The following THG1L variants were observed in gnomAD, a reference collection of about 807,000 sequenced individuals.
THG1L encodes probable tRNA(His) guanylyltransferase.
THG1L carries 27 observed loss-of-function variants against 35.2 expected under a neutral mutation model. The observed-to-expected ratio is 0.77, with a 90% CI of 0.57 to 1.06. The LOEUF is 1.06. Ranked by LOEUF, THG1L falls within the 50% of genes least tolerant of loss-of-function variation. The pLI is 0.00. For synonymous variants in THG1L, 135 were observed against 132.4 expected (o/e 1.02, Z -0.14); for missense variants, 377 against 371.8 (o/e 1.01, Z -0.12).
intron 3 of THG1L, among the ~76,000 whole-genome samples, chr5:157,735,249 A>AT (rs1004282174): frequency 2.0e-5 from 3 of 152,072 alleles, no homozygotes; most frequent in East Asian, 1.9e-4. Flanking sequence ...CCTTATCTCT[A>AT]TTTTTTAAAA....
At position 157,739,657 on chromosome 5, in the gene THG1L, C is replaced by A; in HGVS notation, c.*175C>A. On this transcript the variant is annotated 3_prime_UTR_variant, in exon 6 of 6. Transcript: ENST00000231198. ...GGATGGATGGGGGTGGTGTATCTTA[C>A]TCTGTTTAAGCAGAACACCTTGTTT... is the stretch of plus-strand genomic sequence containing the variant. 1.5e-6 allele frequency: 1 copy of A among 657,784 alleles called. No individual in the cohort carries two copies. The highest frequency in any genetic ancestry group is 2.4e-6 in the Non-Finnish European group (1 of 420,688). The allele number at this position is 657,784 out of a possible 1,614,324, so 40.7% of individuals were successfully genotyped here.
chr5:157,731,479 G>C lies in THG1L; in HGVS notation c.39G>C (p.Leu13Phe), dbSNP rs149523877. 3 of 1,609,918 alleles carry C rather than the reference G, an allele frequency of 1.9e-6. No homozygotes were observed. The African/African-American group carries it at 4.0e-5, about 22-fold the overall frequency. The change falls in exon 1 of 6, where the codon TTG (leucine) becomes TTC (phenylalanine). Residue 13 changes from leucine (L) to phenylalanine (F), a missense_variant. Physicochemically the swap from Leu to Phe is conservative, Grantham distance 22. Coordinates refer to ENST00000231198, the MANE Select transcript of THG1L (RefSeq NM_017872.5). Reference protein sequence around the residue: ...GACKVKVHDSLATISITLRRY... With the variant: ...GACKVKVHDSFATISITLRRY... ...GTAAAGTTAAGGTTCACGATTCCTT[G>C]GCCACCATTTCCATCACTCTGAGAC... is the stretch of plus-strand genomic sequence containing the variant.
rs1181116481 is a variant in THG1L, at chr5:157,740,197, T to C, written c.*715T>C. The C allele has an allele frequency of 6.6e-6, 1 of 152,228 alleles. No individual in the cohort carries two copies. The highest frequency in any genetic ancestry group is 1.9e-4 in the East Asian group (1 of 5,206). 9.4% of individuals were successfully genotyped at this position (152,228 alleles called of 1,614,324 possible). ...CTAAGAAGAAACAGAATTATGTGTATATATGAGAGAAAGAAACAAGAATGC... is the reference window on the plus strand; with the variant it reads ...CTAAGAAGAAACAGAATTATGTGTACATATGAGAGAAAGAAACAAGAATGC... On this transcript the variant is annotated 3_prime_UTR_variant, in exon 6 of 6. Transcript: ENST00000231198.
intron 4 of THG1L, among the ~76,000 whole-genome samples, chr5:157,737,273 C>T (rs1760912010): frequency 6.6e-6 from 1 of 152,124 alleles, no homozygotes; most frequent in Non-Finnish European, 1.5e-5. Context: ...AGGTGGATCA[C>T]CTGACGTCAG....
intron 3 of THG1L, 56 bp downstream of exon 3, chr5:157,734,801 G>T (rs908343387): frequency 6.3e-7 from 1 of 1,598,452 alleles, no homozygotes; most frequent in African/African-American, 1.3e-5. Flanking sequence ...TGTCTTACAG[G>T]TGTTGATCTG....
chr5:157,739,723 T>C lies in THG1L; in HGVS notation c.*241T>C. 2.7e-6 allele frequency: 1 copy of C among 366,358 alleles called. No homozygotes were observed. Among genetic ancestry groups the C allele is most frequent in the Non-Finnish European group, 4.8e-6 (1 of 206,810 alleles). 22.7% of individuals were successfully genotyped at this position (366,358 alleles called of 1,614,324 possible). A position where few individuals can be genotyped will look rare whatever the true frequency, so the allele number is the denominator to read the frequency against. ...GGTTCCTTTGGCAGAAGTGCTTTTT[T>C]TTTAATCGCAGTACTATTTTTATAA... On this transcript the variant is annotated 3_prime_UTR_variant, in exon 6 of 6. Coordinates refer to ENST00000231198, the MANE Select transcript of THG1L (RefSeq NM_017872.5).
At position 157,732,164 on chromosome 5, in the gene THG1L, T is replaced by C. The variant is rs568775839; in HGVS notation, c.191+533T>C. Among the ~76,000 whole-genome samples, 66 of 146,022 alleles carry C rather than the reference T, an allele frequency of 4.5e-4. No individual in the cohort carries two copies. In the South Asian group the frequency reaches 5.0e-3, roughly 11 times the overall value. The stretch of plus-strand genomic sequence containing the variant: ...GGCCAGGAGTTGGAGACCAAGTTTT[T>C]GTTTTTGTTTTGTTTTTTCTGTGGT... On this transcript the variant is annotated intron_variant, in intron 1 of 5. Coordinates refer to ENST00000231198, the MANE Select transcript of THG1L (RefSeq NM_017872.5).
rs1283908017 is a variant in THG1L at position 157,740,985 on chromosome 5, C to T, written c.*1503C>T. The T allele has an allele frequency of 6.6e-6, 1 of 151,186 alleles. No homozygotes were observed. The highest frequency in any genetic ancestry group is 1.5e-5 in the Non-Finnish European group (1 of 68,028). The allele number at this position is 151,186 out of a possible 1,614,324, so 9.4% of individuals were successfully genotyped here. On this transcript the variant is annotated 3_prime_UTR_variant, in exon 6 of 6. Transcript: ENST00000231198. ...CTTTGGGGGGCTGAGGCAGGTAGAT[C>T]ACTTCAGGCCAGGAGTCCAAGACCA...
At chr5:157,731,860 T>A in intron 1 of THG1L, among the ~76,000 whole-genome samples, 1 of 152,244 alleles carries the variant, frequency 6.6e-6, no homozygotes, top group East Asian at 1.9e-4. Context: ...GATGAGGATC[T>A]GGCTTGGAGT....
At chr5:157,731,847 C>T (rs746851186) in intron 1 of THG1L, among the ~76,000 whole-genome samples, 2 of 152,230 alleles carry the variant, frequency 1.3e-5, no homozygotes, top group Non-Finnish European at 2.9e-5. Flanking sequence ...GATGTGCTCC[C>T]GTGATGAGGA....
At chr5:157,734,152 C>G (rs113070635) in intron 2 of THG1L, among the ~76,000 whole-genome samples, 10,817 of 152,032 alleles carry the variant, frequency 0.071, 600 homozygotes, top group African/African-American at 0.16. Flanking sequence ...CTTTGGGAGG[C>G]TGAGGCAGGC....
chr5:157,732,019 G>C (rs1760736425), intron 1 of THG1L, among the ~76,000 whole-genome samples: 1 of 152,056 alleles, frequency 6.6e-6, no homozygotes, highest in Admixed American at 6.6e-5. Flanking sequence ...TGTAAGCCTT[G>C]CTTGTGGGCA....
intron 4 of THG1L, among the ~76,000 whole-genome samples, chr5:157,736,954 T>C (rs1760905859): frequency 6.6e-6 from 1 of 152,116 alleles, no homozygotes; most frequent in Non-Finnish European, 1.5e-5. Context: ...TTTATTTGTA[T>C]TTTATTTTAT....
rs1487547039 is a variant in THG1L at position 157,739,631 on chromosome 5, G to A, written c.*149G>A. Reference sequence around the variant, plus strand: ...AGTTGGGAGGGGAACAGGGAAGGAAGGGATGGATGGGGGTGGTGTATCTTA... The same window carrying A: ...AGTTGGGAGGGGAACAGGGAAGGAAAGGATGGATGGGGGTGGTGTATCTTA... On this transcript the variant is annotated 3_prime_UTR_variant, in exon 6 of 6. Transcript: ENST00000231198. 3 of 844,702 alleles carry A rather than the reference G, an allele frequency of 3.6e-6. No homozygotes were observed. The highest frequency in any genetic ancestry group is 2.9e-5 in the Admixed American group (1 of 34,246). 52.3% of individuals were successfully genotyped at this position (844,702 alleles called of 1,614,324 possible).
intron 5 of THG1L, 105 bp from the exon 6 acceptor site, chr5:157,739,216 G>T: frequency 9.5e-7 from 1 of 1,057,644 alleles, no homozygotes; most frequent in South Asian, 1.7e-5. Flanking sequence ...AAATCTGGCA[G>T]TCGGAAGTAT....
At position 157,737,999 on chromosome 5, in the gene THG1L, TGCTGTTATGTTCAAAGAAAAATGGAA is replaced by T. The variant is rs371665375; in HGVS notation, c.735+7_735+32del. ...ACTGTGTTGATATGGCAGAAGGTAATGCTGTTATGTTCAAAGAAAAATGGAAGTCAGGAAAAAAGATAGCCTGTGCC... is the reference window on the plus strand; with the variant it reads ...ACTGTGTTGATATGGCAGAAGGTAATGTCAGGAAAAAAGATAGCCTGTGCC... On this transcript the variant is annotated splice_donor_region_variant and intron_variant, in intron 5 of 5. Coordinates refer to ENST00000231198, the MANE Select transcript of THG1L (RefSeq NM_017872.5). 3 of 1,603,258 alleles carry T rather than the reference TGCTGTTATGTTCAAAGAAAAATGGAA, an allele frequency of 1.9e-6. No homozygotes were observed. The highest frequency in any genetic ancestry group is 2.7e-5 in the African/African-American group (2 of 74,610).
chr5:157,732,215 C>CAAAAAA lies in THG1L; in HGVS notation c.191+608_191+613dup, dbSNP rs34744387. Among the ~76,000 whole-genome samples, 101 of 53,844 alleles carry CAAAAAA rather than the reference C, an allele frequency of 1.9e-3. 8 individuals are homozygous for CAAAAAA. The highest frequency in any genetic ancestry group is 4.6e-3 in the African/African-American group (50 of 10,800). The allele number at this position is 53,844 out of a possible 152,430, so 35.3% of individuals were successfully genotyped here. ...TGTTGTTTGTGAAACTCCGCCACTA[C>CAAAAAA]AAAAAAAAAAAAAAAAAAAAAAAAA... On this transcript the variant is annotated intron_variant, in intron 1 of 5. Coordinates refer to ENST00000231198, the MANE Select transcript of THG1L (RefSeq NM_017872.5).
At chr5:157,738,916 C>T (rs1427645594) in intron 5 of THG1L, among the ~76,000 whole-genome samples, 2 of 150,836 alleles carry the variant, frequency 1.3e-5, no homozygotes, top group African/African-American at 2.4e-5. Flanking sequence ...CCTCCCCGTC[C>T]TGGGTTCAAG....
At chr5:157,737,397 C>T (rs923011730) in intron 4 of THG1L, among the ~76,000 whole-genome samples, 7 of 152,038 alleles carry the variant, frequency 4.6e-5, no homozygotes, top group East Asian at 1.9e-4. Flanking sequence ...GCATGAGAAT[C>T]GCTTGAACCT....
Sources: gnomAD v4.1 joint callset for allele counts (sites outside exome capture counted in the v4.1 genomes callset) on GRCh38, gnomAD v4.1.1 for gene constraint, MANE v1.5 for transcripts, NCBI Gene and HGNC (gene_info 2026-07-23, HGNC 2026-07-21) for gene names.